SLC2A13: variants seen among roughly 807,000 people sequenced by gnomAD.
SLC2A13 encodes the protein proton myo-inositol cotransporter.
SLC2A13 carries 32 observed loss-of-function variants against 64.4 expected under a neutral mutation model. The observed-to-expected ratio is 0.50, with a 90% CI of 0.37 to 0.67. The LOEUF (loss-of-function observed/expected upper bound fraction) is 0.67. Among genes scored for constraint, SLC2A13 ranks in the 30% least tolerant of loss-of-function variants. The pLI is 0.00. For missense variants in SLC2A13, 743 were observed against 829.2 expected (o/e 0.90, Z 1.28); for synonymous variants, 338 against 327.1 (o/e 1.03, Z -0.36).
At chr12:39,823,826 C>T (rs903602313) in intron 7 of SLC2A13, among the ~76,000 whole-genome samples, 8 of 152,148 alleles carry the variant, frequency 5.3e-5, no homozygotes, top group Non-Finnish European at 1.0e-4. Flanking sequence ...TACTGAAGCA[C>T]ATGGTTAAGT....
rs774534702 is a variant in SLC2A13 at position 40,092,536 on chromosome 12, CAT to C, written c.556+12715_556+12716del. 1.4e-4 allele frequency among the ~76,000 whole-genome samples: 21 copies of C among 152,234 alleles called. No individual in the cohort carries two copies. The South Asian group carries it at 1.7e-3, about 12-fold the overall frequency. On this transcript the variant is annotated intron_variant, in intron 1 of 9. Coordinates refer to ENST00000280871, the MANE Select transcript of SLC2A13 (RefSeq NM_052885.4). The stretch of plus-strand genomic sequence containing the variant: ...TTTATCACATCATTATACACTTACA[CAT>C]GTTTTTTGTCCCCTAAATTTATAAT...
chr12:39,974,212 C>T (rs1946723039), intron 3 of SLC2A13, among the ~76,000 whole-genome samples: 1 of 152,146 alleles, frequency 6.6e-6, no homozygotes. Flanking sequence ...TTATGCAGAT[C>T]CCAGAACTGA....
chr12:39,842,730 C>T (rs189925168), intron 6 of SLC2A13, among the ~76,000 whole-genome samples: 13 of 152,064 alleles, frequency 8.5e-5, no homozygotes, highest in Admixed American at 2.0e-4. Context: ...TATCCAATTC[C>T]GGAACATTTT....
intron 7 of SLC2A13, among the ~76,000 whole-genome samples, chr12:39,813,983 G>T (rs893493197): frequency 6.6e-6 from 1 of 152,162 alleles, no homozygotes; most frequent in Non-Finnish European, 1.5e-5. Flanking sequence ...TTTCCAGTAT[G>T]AGTGATTTCG....
chr12:39,951,306 C>T lies in SLC2A13; in HGVS notation c.985G>A (p.Gly329Ser). The change falls in exon 4 of 10, where the codon GGT becomes AGT. Residue 329 changes from glycine (G) to serine (S), a missense_variant. Physicochemically the swap from Gly to Ser is moderately conservative, Grantham distance 56. Coordinates refer to ENST00000280871, the MANE Select transcript of SLC2A13 (RefSeq NM_052885.4). The part of the protein sequence containing the change: ...YPPTRRALIV[G>S]CGLQMFQQLS... ...TGCTGGAACATTTGTAGGCCACAACCCACAATTAAAGCTCGGCGAGTTGGG... is the reference window on the plus strand; with the variant it reads ...TGCTGGAACATTTGTAGGCCACAACTCACAATTAAAGCTCGGCGAGTTGGG... The T allele has an allele frequency of 2.5e-6, 4 of 1,612,718 alleles. No individual in the cohort carries two copies. The South Asian group carries it at 3.3e-5, about 13-fold the overall frequency.
intron 7 of SLC2A13, 24 bp from the exon 8 acceptor site, chr12:39,764,882 A>T: frequency 6.2e-7 from 1 of 1,604,748 alleles, no homozygotes; most frequent in Non-Finnish European, 8.5e-7. Context: ...CAATATAAGT[A>T]TTAACTTAAT....
intron 4 of SLC2A13, among the ~76,000 whole-genome samples, chr12:39,922,810 CTT>C (rs964717437): frequency 6.6e-6 from 1 of 151,468 alleles, no homozygotes; most frequent in Non-Finnish European, 1.5e-5. Flanking sequence ...GCTTGCAAAA[CTT>C]TGCAAAACTT....
chr12:39,894,280 G>T (rs1944684785), intron 4 of SLC2A13, among the ~76,000 whole-genome samples: 1 of 152,106 alleles, frequency 6.6e-6, no homozygotes, highest in Admixed American at 6.5e-5. Flanking sequence ...GCTTTATGTT[G>T]CTTAATTCTA....
At chr12:39,961,505 AT>A (rs796594498) in intron 3 of SLC2A13, among the ~76,000 whole-genome samples, 1 of 151,980 alleles carries the variant, frequency 6.6e-6, no homozygotes. Flanking sequence ...ATAAGCAATA[AT>A]TTTTTTGTTT....
chr12:39,885,403 T>G (rs1172109741), intron 4 of SLC2A13, among the ~76,000 whole-genome samples: 1 of 152,086 alleles, frequency 6.6e-6, no homozygotes, highest in East Asian at 1.9e-4. Context: ...ATCTAACATG[T>G]AAGAAGTACA....
chr12:40,044,487 A>T (rs573530004), intron 2 of SLC2A13, among the ~76,000 whole-genome samples: 2 of 152,210 alleles, frequency 1.3e-5, no homozygotes, highest in Non-Finnish European at 2.9e-5. Context: ...ACATCTCAAT[A>T]AAGTTGTTTT....
chr12:39,941,010 ATCT>A (rs777448108), intron 4 of SLC2A13, among the ~76,000 whole-genome samples: 42 of 152,102 alleles, frequency 2.8e-4, no homozygotes, highest in Non-Finnish European at 4.7e-4. Flanking sequence ...ATAGTCTCCA[ATCT>A]CATCTAGGTC....
At chr12:39,769,832 C>T (rs974513164) in intron 7 of SLC2A13, among the ~76,000 whole-genome samples, 1 of 152,098 alleles carries the variant, frequency 6.6e-6, no homozygotes, top group Non-Finnish European at 1.5e-5. Flanking sequence ...CCTGACTACA[C>T]AATCCTTCTT....
chr12:39,887,394 G>A (rs1944493331), intron 4 of SLC2A13, among the ~76,000 whole-genome samples: 1 of 152,122 alleles, frequency 6.6e-6, no homozygotes, highest in Non-Finnish European at 1.5e-5. Context: ...CAGCCTCAAA[G>A]CCAATAAACT....
intron 6 of SLC2A13, among the ~76,000 whole-genome samples, chr12:39,838,775 G>A (rs1943098914): frequency 6.6e-6 from 1 of 152,062 alleles, no homozygotes; most frequent in African/African-American, 2.4e-5. Flanking sequence ...ATTGATTTGA[G>A]TTAATTTAGA....
intron 3 of SLC2A13, among the ~76,000 whole-genome samples, chr12:39,991,287 C>T (rs1947134400): frequency 6.6e-6 from 1 of 151,946 alleles, no homozygotes; most frequent in African/African-American, 2.4e-5. Flanking sequence ...AAGCTTTTTC[C>T]TTCATCTCAA....
At chr12:39,989,149 A>G (rs906960415) in intron 3 of SLC2A13, among the ~76,000 whole-genome samples, 1 of 152,100 alleles carries the variant, frequency 6.6e-6, no homozygotes, top group Non-Finnish European at 1.5e-5. Flanking sequence ...CAGTCCCTAC[A>G]TAATCTGGTC....
chr12:39,919,252 A>C (rs537027225), intron 4 of SLC2A13, among the ~76,000 whole-genome samples: 1 of 152,140 alleles, frequency 6.6e-6, no homozygotes, highest in Non-Finnish European at 1.5e-5. Flanking sequence ...GTAGCATGAA[A>C]GAATATAAAC....
intron 6 of SLC2A13, among the ~76,000 whole-genome samples, chr12:39,847,658 C>T (rs914298529): frequency 6.6e-6 from 1 of 152,062 alleles, no homozygotes; most frequent in African/African-American, 2.4e-5. Flanking sequence ...AGATGTAGCA[C>T]ATTGGTCCCC....
Sources: gnomAD v4.1 joint callset for allele counts (sites outside exome capture counted in the v4.1 genomes callset) on GRCh38, gnomAD v4.1.1 for gene constraint, MANE v1.5 for transcripts, NCBI Gene and HGNC (gene_info 2026-07-23, HGNC 2026-07-21) for gene names.